MIDEAS: variants seen among roughly 807,000 people sequenced by gnomAD.
MIDEAS encodes the protein mitotic deacetylase associated SANT domain protein.
In MIDEAS, 26 loss-of-function variants were observed where a neutral mutation model predicts 102.7. The ratio of observed to expected loss-of-function variants is 0.25; its 90% CI spans 0.19 to 0.35. The LOEUF is 0.35. Among genes scored for constraint, MIDEAS ranks in the 10% least tolerant of loss-of-function variants. The pLI is 1.00. For missense variants in MIDEAS, 1,231 were observed against 1,435.6 expected (o/e 0.86, Z 2.30); for synonymous variants, 585 against 591.0 (o/e 0.99, Z 0.15).
chr14:73,718,909 A>AGCG lies in MIDEAS; in HGVS notation c.3231_3233dup (p.Ala1084dup). 1 of 1,522,806 alleles carries AGCG rather than the reference A, an allele frequency of 6.6e-7. No homozygotes were observed. The highest frequency in any genetic ancestry group is 8.8e-7 in the Non-Finnish European group (1 of 1,141,772). 94.3% of individuals were successfully genotyped at this position (1,522,806 alleles called of 1,614,324 possible). On this transcript the variant is annotated inframe_insertion, in exon 13 of 13. Coordinates refer to ENST00000423556, the MANE Select transcript of MIDEAS (RefSeq NM_001367710.1). ...GCTGGTGGGCGGCGGCGGCGGCAGC[A>AGCG]GCGGCCTCTTTCTCCTTCAGCCTCA... is the stretch of plus-strand genomic sequence containing the variant.
chr14:73,781,194 C>T (rs1234930495), intron 1 of MIDEAS, among the ~76,000 whole-genome samples: 1 of 152,174 alleles, frequency 6.6e-6, no homozygotes, highest in Admixed American at 6.6e-5. Flanking sequence ...AGAGTTAGCA[C>T]AGGTTTCCTT....
At chr14:73,780,881 A>G (rs1375572171) in intron 1 of MIDEAS, among the ~76,000 whole-genome samples, 1 of 152,216 alleles carries the variant, frequency 6.6e-6, no homozygotes, top group East Asian at 1.9e-4. Flanking sequence ...AAAAGCTATT[A>G]AATACGCATC....
intron 1 of MIDEAS, among the ~76,000 whole-genome samples, chr14:73,766,828 C>T (rs113119419): frequency 0.05 from 7,322 of 146,906 alleles, 582 homozygotes; most frequent in African/African-American, 0.17. Flanking sequence ...GCTGGGTTTA[C>T]AGGCGTGTGC....
chr14:73,727,435 G>T (rs1353557291), intron 5 of MIDEAS, 23 bp downstream of exon 5: 14 of 1,613,416 alleles, frequency 8.7e-6, no homozygotes, highest in Non-Finnish European at 7.6e-6. Context: ...ACACCCCTCG[G>T]CCAGGGGCAG....
intron 2 of MIDEAS, among the ~76,000 whole-genome samples, chr14:73,737,690 T>TG (rs1461985089): frequency 6.6e-6 from 1 of 152,082 alleles, no homozygotes; most frequent in Non-Finnish European, 1.5e-5. Flanking sequence ...CATTCCCATT[T>TG]AGTCACGGGA....
chr14:73,722,153 G>A (rs2053003857), intron 10 of MIDEAS, among the ~76,000 whole-genome samples: 1 of 152,188 alleles, frequency 6.6e-6, no homozygotes, highest in African/African-American at 2.4e-5. Flanking sequence ...AGGTAACACA[G>A]CATCTAGCTA....
At chr14:73,781,071 C>A (rs545296454) in intron 1 of MIDEAS, among the ~76,000 whole-genome samples, 8 of 152,208 alleles carry the variant, frequency 5.3e-5, no homozygotes, top group East Asian at 1.9e-4. Context: ...GACTAATTAT[C>A]AATGCAGGAT....
upstream of MIDEAS, among the ~76,000 whole-genome samples, chr14:73,762,113 G>A (rs188133874): frequency 2.0e-5 from 3 of 152,376 alleles, no homozygotes; most frequent in East Asian, 5.8e-4. Context: ...TTCCTCTGCA[G>A]ACCTGTGGCC....
intron 1 of MIDEAS, among the ~76,000 whole-genome samples, chr14:73,779,796 C>T (rs949383172): frequency 6.8e-6 from 1 of 146,170 alleles, no homozygotes; most frequent in Non-Finnish European, 1.5e-5. Flanking sequence ...CCAGGATGGT[C>T]TCGATCTCCT....
intron 1 of MIDEAS, among the ~76,000 whole-genome samples, chr14:73,779,107 C>T (rs1212967106): frequency 1.3e-5 from 2 of 151,794 alleles, no homozygotes; most frequent in Admixed American, 6.6e-5. Flanking sequence ...AAGAAATAGC[C>T]GGGCATGGTT....
At chr14:73,721,216 C>T in intron 11 of MIDEAS, 81 bp downstream of exon 11, 2 of 1,334,156 alleles carry the variant, frequency 1.5e-6, no homozygotes, top group Non-Finnish European at 2.1e-6. Flanking sequence ...GATCACAGTC[C>T]TGCTCTACCC....
chr14:73,727,048 A>C, intron 5 of MIDEAS, 76 bp from the exon 6 acceptor site: 1 of 1,516,638 alleles, frequency 6.6e-7, no homozygotes, highest in Non-Finnish European at 8.9e-7. Context: ...TCAGGGTGGG[A>C]AGAAGATGAG....
intron 1 of MIDEAS, among the ~76,000 whole-genome samples, chr14:73,774,554 G>A (rs946212761): frequency 6.6e-6 from 1 of 151,900 alleles, no homozygotes; most frequent in African/African-American, 2.4e-5. Context: ...TCTTCAAGGA[G>A]GGCCAGTAGG....
chr14:73,753,373 C>T (rs890118164), intron 1 of MIDEAS, among the ~76,000 whole-genome samples: 5 of 152,198 alleles, frequency 3.3e-5, no homozygotes, highest in African/African-American at 9.7e-5. Context: ...TGAAAATAGC[C>T]GGAGGAAGTG....
intron 1 of MIDEAS, among the ~76,000 whole-genome samples, chr14:73,774,021 CAAAAA>C (rs11322935): frequency 1.8e-5 from 2 of 113,040 alleles, no homozygotes. Flanking sequence ...GACTGAATCT[CAAAAA>C]AAAAAAAAAA....
intron 1 of MIDEAS, among the ~76,000 whole-genome samples, chr14:73,782,605 T>C (rs1045999634): frequency 3.9e-5 from 6 of 152,322 alleles, no homozygotes; most frequent in Middle Eastern, 3.4e-3. Context: ...GCTGGGATTA[T>C]TGGCATAAGC....
At chr14:73,745,049 C>T (rs1240537948) in intron 1 of MIDEAS, among the ~76,000 whole-genome samples, 1 of 152,184 alleles carries the variant, frequency 6.6e-6, no homozygotes, top group African/African-American at 2.4e-5. Flanking sequence ...TTCAAGACTG[C>T]GCCCAAGGTG....
intron 11 of MIDEAS, among the ~76,000 whole-genome samples, chr14:73,720,456 CA>C (rs2052972235): frequency 6.6e-6 from 1 of 152,086 alleles, no homozygotes; most frequent in South Asian, 2.1e-4. Context: ...CCTTGTTGGC[CA>C]GGCTGGTCTC....
chr14:73,767,505 G>A lies in MIDEAS; in HGVS notation c.-248+19597C>T, dbSNP rs10145801. Among the ~76,000 whole-genome samples, 1,221 of 152,288 alleles carry A rather than the reference G, an allele frequency of 8.0e-3. 11 individuals carry two copies. The highest frequency in any genetic ancestry group is 0.028 in the African/African-American group (1,157 of 41,550). On this transcript the variant is annotated intron_variant, in intron 1 of 11. Coordinates refer to the MIDEAS transcript ENST00000394071. ...TAAAGAAAATTAGCCAGGTGTGGTG[G>A]TATGCACTTCTAGTCCCAGCTACTT...
Sources: gnomAD v4.1 joint callset for allele counts (sites outside exome capture counted in the v4.1 genomes callset) on GRCh38, gnomAD v4.1.1 for gene constraint, MANE v1.5 for transcripts, NCBI Gene and HGNC (gene_info 2026-07-23, HGNC 2026-07-21) for gene names.